TRIM35: variants seen among roughly 807,000 people sequenced by gnomAD.
TRIM35 encodes tripartite motif containing 35.
In TRIM35, 37 loss-of-function variants were observed where a neutral mutation model predicts 49.1. The observed-to-expected ratio is 0.75, with a 90% CI of 0.58 to 0.99. The LOEUF (loss-of-function observed/expected upper bound fraction) is 0.99, where lower values mean the gene tolerates loss of function less well. Ranked by LOEUF, TRIM35 falls within the 50% of genes least tolerant of loss-of-function variation. The pLI is 0.00. For missense variants in TRIM35, 648 were observed against 702.7 expected, an observed-to-expected ratio of 0.92 and a Z score of 0.88; for synonymous variants, 302 against 289.3, an observed-to-expected ratio of 1.04 and a Z score of -0.45.
At chr8:27,306,200 T>G (rs1213354371) in intron 1 of TRIM35, among the ~76,000 whole-genome samples, 1 of 152,198 alleles carries the variant, frequency 6.6e-6, no homozygotes. Context: ...TGTCTGAGGA[T>G]GTTTTCATTT....
intron 1 of TRIM35, among the ~76,000 whole-genome samples, chr8:27,302,120 A>T (rs1802693086): frequency 6.6e-6 from 1 of 152,192 alleles, no homozygotes; most frequent in African/African-American, 2.4e-5. Context: ...TGTCTTGGCA[A>T]TTTTTGGCCC....
chr8:27,293,030 T>C (rs1802486683), intron 3 of TRIM35, among the ~76,000 whole-genome samples: 1 of 152,098 alleles, frequency 6.6e-6, no homozygotes, highest in South Asian at 2.1e-4. Context: ...ATTTTTCTTT[T>C]TAGAGACAGC....
chr8:27,298,837 C>T (rs1016967597), intron 1 of TRIM35, among the ~76,000 whole-genome samples: 1 of 152,194 alleles, frequency 6.6e-6, no homozygotes, highest in African/African-American at 2.4e-5. Context: ...AAGCTGCTCT[C>T]TCTCATGTTG....
At position 27,304,935 on chromosome 8, in the gene TRIM35, G is replaced by C. The variant is rs1316300140; in HGVS notation, c.435+5866C>G. 38 of 388,142 alleles carry C rather than the reference G, an allele frequency of 9.8e-5. 1 individual carries two copies. Among genetic ancestry groups the C allele is most frequent in the Non-Finnish European group, 2.0e-5 (4 of 199,508 alleles). The allele number at this position is 388,142 out of a possible 1,614,324, so 24.0% of individuals were successfully genotyped here. On this transcript the variant is annotated intron_variant, in intron 1 of 5. Transcript: ENST00000305364. ...AAATTTCACGATTTGTTTTCAGGCAGATTGATGTAGCAGCCAAGAGTTCTG... is the reference window on the plus strand; with the variant it reads ...AAATTTCACGATTTGTTTTCAGGCACATTGATGTAGCAGCCAAGAGTTCTG...
chr8:27,298,629 A>G, intron 1 of TRIM35, 70 bp from the exon 2 acceptor site: 1 of 1,290,310 alleles, frequency 7.8e-7, no homozygotes, highest in Admixed American at 1.8e-5. Context: ...GGGCAGACAC[A>G]TCACATTTAC....
At chr8:27,303,287 C>A (rs766396060) in intron 1 of TRIM35, among the ~76,000 whole-genome samples, 4 of 152,174 alleles carry the variant, frequency 2.6e-5, no homozygotes, top group Admixed American at 6.5e-5. Flanking sequence ...GCATTTAAAT[C>A]TGCCACCTTG....
intron 3 of TRIM35, 103 bp from the exon 4 acceptor site, chr8:27,290,281 C>G (rs1211563772): frequency 9.0e-7 from 1 of 1,116,344 alleles, no homozygotes; most frequent in Non-Finnish European, 1.3e-6. Context: ...GATCATAAGT[C>G]TTAATATTGT....
intron 1 of TRIM35, among the ~76,000 whole-genome samples, chr8:27,308,600 G>C (rs1007271196): frequency 2.0e-5 from 3 of 152,134 alleles, no homozygotes; most frequent in African/African-American, 7.2e-5. Context: ...CTTGTCTATT[G>C]ACTGTCTATG....
intron 1 of TRIM35, among the ~76,000 whole-genome samples, chr8:27,309,721 G>T (rs952387778): frequency 2.6e-5 from 4 of 151,992 alleles, no homozygotes; most frequent in African/African-American, 9.7e-5. Context: ...AGTGGCTCAC[G>T]CCTGTAATCC....
chr8:27,295,296 T>C (rs546050731), intron 2 of TRIM35, among the ~76,000 whole-genome samples: 2 of 152,322 alleles, frequency 1.3e-5, no homozygotes, highest in Admixed American at 1.3e-4. Context: ...GAGGTGTGTA[T>C]GGCAAGAGAC....
intron 1 of TRIM35, among the ~76,000 whole-genome samples, chr8:27,302,044 A>T (rs566533259): frequency 6.6e-6 from 1 of 152,236 alleles, no homozygotes; most frequent in Non-Finnish European, 1.5e-5. Flanking sequence ...TTGTGCCAAC[A>T]TCACACAGCC....
At chr8:27,308,331 C>A (rs764982527) in intron 1 of TRIM35, among the ~76,000 whole-genome samples, 1 of 152,230 alleles carries the variant, frequency 6.6e-6, no homozygotes, top group Non-Finnish European at 1.5e-5. Flanking sequence ...ACAGTGAGCA[C>A]TGAAATGTGT....
chr8:27,287,638 T>C lies in TRIM35; in HGVS notation c.1394A>G (p.Tyr465Cys), dbSNP rs768383163. Reference protein sequence around the residue: ...ARFGEVRPYFYLGGARGAGPP... With the variant: ...ARFGEVRPYFCLGGARGAGPP... ...CCCGGCGCCCCGTGCACCCCCCAGG[T>C]AGAAGTAGGGGCGAACCTCCCCAAA... The change falls in exon 6 of 6, where the codon TAC becomes TGC. Residue 465 changes from tyrosine (Y) to cysteine (C), a missense_variant. Tyr to Cys is a radical substitution (Grantham distance 194). Transcript: ENST00000305364. The surrounding 1 kb of genome is among the most constrained non-coding windows in gnomAD (Gnocchi z 6.0). The C allele has an allele frequency of 1.4e-4, 228 of 1,609,232 alleles. 2 individuals carry two copies. In the Admixed American group the frequency reaches 3.7e-3, roughly 26 times the overall value.
In TRIM35 at chr8:27,287,939, GCCC is replaced by G; in HGVS notation, c.1090_1092del (p.Gly364del). On this transcript the variant is annotated inframe_deletion, in exon 6 of 6. Transcript: ENST00000305364. This position sits in a 1 kb window ranked among gnomAD's most constrained non-coding sequence, Gnocchi z 6.0. ...ACCACGCCCACCCTCCAGCTCTGCA[GCCC>G]CCCAAGGGCCACCTCCCAGGCGTGC... The G allele has an allele frequency of 6.2e-7, 1 of 1,613,002 alleles. No individual in the cohort carries two copies. The highest frequency in any genetic ancestry group is 8.5e-7 in the Non-Finnish European group (1 of 1,179,850).
Position 27,290,140 on chromosome 8 carries a change from A to T in TRIM35, c.785+16T>A, listed in dbSNP as rs372132003. 3.7e-6 allele frequency: 6 copies of T among 1,614,050 alleles called. No homozygotes were observed. The highest frequency in any genetic ancestry group is 1.7e-6 in the Non-Finnish European group (2 of 1,179,998). On this transcript the variant is annotated intron_variant, in intron 4 of 5. Coordinates refer to ENST00000305364, the MANE Select transcript of TRIM35 (RefSeq NM_171982.5). The stretch of plus-strand genomic sequence containing the variant: ...GCCCACTCTTCCCCTCCCCTCCACC[A>T]GCTTTGGCAACTTACCGGCGTTTTC...
At chr8:27,297,973 T>C (rs1171029263) in intron 2 of TRIM35, among the ~76,000 whole-genome samples, 2 of 151,712 alleles carry the variant, frequency 1.3e-5, no homozygotes, top group African/African-American at 4.8e-5. Flanking sequence ...CCCCAGTCCA[T>C]GGAAAGGAGA....
rs1185684417 is a variant in TRIM35, at chr8:27,289,161, C to G, written c.904+1G>C. 6.2e-7 allele frequency: 1 copy of G among 1,613,366 alleles called. No homozygotes were observed. The highest frequency in any genetic ancestry group is 2.2e-5 in the East Asian group (1 of 44,872). ...GGACACCTGCCGGCACCCCCGCTCA[C>G]CAGATTCCACAGATGCAAGCATCTT... On this transcript the variant is annotated splice_donor_variant, in intron 5 of 5. Coordinates refer to ENST00000305364, the MANE Select transcript of TRIM35 (RefSeq NM_171982.5). LOFTEE classifies it high-confidence loss of function.
intron 3 of TRIM35, 169 bp downstream of exon 3, chr8:27,293,911 G>C: frequency 1.6e-6 from 1 of 624,410 alleles, no homozygotes; most frequent in Non-Finnish European, 2.8e-6. Flanking sequence ...GCCCTGATAA[G>C]TCTTTTTAGT....
intron 1 of TRIM35, among the ~76,000 whole-genome samples, chr8:27,309,928 G>A (rs1802876514): frequency 6.6e-6 from 1 of 151,420 alleles, no homozygotes; most frequent in African/African-American, 2.4e-5. Context: ...GGAGGCGGAG[G>A]TTGCAGTGAG....
Sources: allele counts gnomAD v4.1 joint callset (sites outside exome capture counted in the v4.1 genomes callset), GRCh38; gene constraint gnomAD v4.1.1; non-coding constraint Gnocchi (gnomAD v3.1); transcripts MANE v1.5; gene names NCBI Gene and HGNC (gene_info 2026-07-23, HGNC 2026-07-21).